Variants in UBE3D observed in about 807,000 individuals in gnomAD.
UBE3D encodes E3 ubiquitin-protein ligase E3D.
Under a neutral mutation model 49.6 loss-of-function variants are expected in UBE3D, and 48 were observed. That is an observed-to-expected ratio of 0.97 (90% confidence interval 0.77 to 1.23). The LOEUF (loss-of-function observed/expected upper bound fraction) is 1.23, where lower values mean the gene tolerates loss of function less well. Ranked by LOEUF, UBE3D falls within the 50% of genes most tolerant of loss-of-function variation. UBE3D has a pLI of 0.00. For missense variants in UBE3D, 452 were observed against 468.4 expected (o/e 0.96, Z 0.32); for synonymous variants, 189 against 174.2 (o/e 1.08, Z -0.67).
chr6:83,015,942 T>C (rs1239419885), intron 8 of UBE3D, among the ~76,000 whole-genome samples: 1 of 152,186 alleles, frequency 6.6e-6, no homozygotes, highest in Non-Finnish European at 1.5e-5. Context: ...ACAAGCTCAG[T>C]GTCCCCAGCT....
chr6:82,913,864 T>C (rs1772712063), intron 9 of UBE3D, among the ~76,000 whole-genome samples: 1 of 152,206 alleles, frequency 6.6e-6, no homozygotes, highest in Admixed American at 6.5e-5. Context: ...ACATCTAGCC[T>C]GAGTGAAAGG....
intron 8 of UBE3D, among the ~76,000 whole-genome samples, chr6:82,989,495 G>A (rs1273788999): frequency 1.3e-5 from 2 of 152,000 alleles, no homozygotes; most frequent in African/African-American, 2.4e-5. Context: ...TTTTTGTAAA[G>A]GGCCAGATAG....
intron 9 of UBE3D, among the ~76,000 whole-genome samples, chr6:82,934,191 C>A (rs563202300): frequency 6.6e-6 from 1 of 152,296 alleles, no homozygotes; most frequent in East Asian, 1.9e-4. Flanking sequence ...CCATGTAAGA[C>A]ATGCCTTGCT....
chr6:82,921,217 G>A (rs1432353439), intron 9 of UBE3D, among the ~76,000 whole-genome samples: 1 of 152,136 alleles, frequency 6.6e-6, no homozygotes, highest in Admixed American at 6.6e-5. Context: ...GCCTCCCAAA[G>A]CGCTGGGATT....
At chr6:82,895,750 T>A (rs754838197) in intron 9 of UBE3D, among the ~76,000 whole-genome samples, 33 of 152,190 alleles carry the variant, frequency 2.2e-4, no homozygotes, top group African/African-American at 8.0e-4. Context: ...TAGGTGACAA[T>A]GGTGGGCTTA....
intron 8 of UBE3D, among the ~76,000 whole-genome samples, chr6:82,995,182 C>G (rs974304014): frequency 6.6e-6 from 1 of 152,048 alleles, no homozygotes; most frequent in African/African-American, 2.4e-5. Context: ...GCAAACACTT[C>G]CAAGAAGAAA....
At chr6:82,952,673 T>G (rs560517581) in intron 9 of UBE3D, among the ~76,000 whole-genome samples, 29 of 152,244 alleles carry the variant, frequency 1.9e-4, no homozygotes, top group African/African-American at 6.5e-4. Flanking sequence ...ATCCTCCTGC[T>G]TCAGCCCCCA....
At chr6:82,954,836 G>A (rs562576786) in intron 9 of UBE3D, among the ~76,000 whole-genome samples, 1 of 152,300 alleles carries the variant, frequency 6.6e-6, no homozygotes, top group South Asian at 2.1e-4. Flanking sequence ...ATCTTGGAGT[G>A]AAGACCTGGG....
intron 8 of UBE3D, among the ~76,000 whole-genome samples, chr6:83,005,419 T>C (rs917688830): frequency 2.0e-5 from 3 of 152,078 alleles, no homozygotes; most frequent in East Asian, 1.9e-4. Context: ...AAAGACGGTA[T>C]GAAGGTTCCT....
intron 9 of UBE3D, among the ~76,000 whole-genome samples, chr6:82,897,925 C>A (rs1771448541): frequency 6.6e-6 from 1 of 152,174 alleles, no homozygotes; most frequent in Non-Finnish European, 1.5e-5. Context: ...TTTTTGCAAT[C>A]TATCCATCTG....
At chr6:82,925,365 T>C (rs1200104028) in intron 9 of UBE3D, among the ~76,000 whole-genome samples, 1 of 152,212 alleles carries the variant, frequency 6.6e-6, no homozygotes, top group South Asian at 2.1e-4. Flanking sequence ...CTGAGGAATT[T>C]CCTTCCTTAC....
chr6:82,974,593 G>A (rs772906976), intron 8 of UBE3D, among the ~76,000 whole-genome samples: 4 of 151,502 alleles, frequency 2.6e-5, no homozygotes, highest in Non-Finnish European at 5.9e-5. Context: ...TCCATCTGTG[G>A]TTGGCTTAAT....
intron 9 of UBE3D, among the ~76,000 whole-genome samples, chr6:82,942,276 G>T (rs1039739633): frequency 7.2e-5 from 11 of 152,288 alleles, no homozygotes; most frequent in African/African-American, 2.6e-4. Context: ...GTGGAACTTT[G>T]AGAGATATGT....
At chr6:83,051,805 G>A (rs1783487540) in intron 3 of UBE3D, among the ~76,000 whole-genome samples, 1 of 152,182 alleles carries the variant, frequency 6.6e-6, no homozygotes, top group African/African-American at 2.4e-5. Flanking sequence ...TCTTACTCAA[G>A]ACAGTCACTC....
intron 9 of UBE3D, among the ~76,000 whole-genome samples, chr6:82,939,140 C>T (rs1774817116): frequency 6.6e-6 from 1 of 151,882 alleles, no homozygotes; most frequent in Non-Finnish European, 1.5e-5. Context: ...TCTTCCAGTT[C>T]TCCTTATCCC....
intron 8 of UBE3D, among the ~76,000 whole-genome samples, chr6:82,957,985 C>T (rs531412496): frequency 2.0e-5 from 3 of 152,182 alleles, no homozygotes; most frequent in African/African-American, 7.2e-5. Context: ...ACTTATAATA[C>T]AAATAAAAGC....
intron 8 of UBE3D, among the ~76,000 whole-genome samples, chr6:82,988,630 T>C (rs1337694723): frequency 6.6e-6 from 1 of 152,198 alleles, no homozygotes. Flanking sequence ...AGATAGAGCA[T>C]GTGGGCTGTC....
At chr6:82,991,177 TTA>T (rs1287776532) in intron 8 of UBE3D, among the ~76,000 whole-genome samples, 2 of 152,228 alleles carry the variant, frequency 1.3e-5, no homozygotes, top group Non-Finnish European at 1.5e-5. Flanking sequence ...ACTGTGCCTT[TTA>T]TGACCTACTC....
At chr6:82,987,295 T>C (rs548074755) in intron 8 of UBE3D, among the ~76,000 whole-genome samples, 1 of 152,220 alleles carries the variant, frequency 6.6e-6, no homozygotes, top group African/African-American at 2.4e-5. Context: ...ATTAAAGGAA[T>C]GAGCCTCCAC....
Sources: gnomAD v4.1 joint callset for allele counts (sites outside exome capture counted in the v4.1 genomes callset) on GRCh38, gnomAD v4.1.1 for gene constraint, MANE v1.5 for transcripts, NCBI Gene and HGNC (gene_info 2026-07-23, HGNC 2026-07-21) for gene names.